The following CNOT6L variants were observed in gnomAD, a reference collection of about 807,000 sequenced individuals.
The protein encoded by CNOT6L is CCR4-NOT transcription complex subunit 6-like.
In CNOT6L, 7 loss-of-function variants were observed where a neutral mutation model predicts 64.0. That is an observed-to-expected ratio of 0.11 (90% confidence interval 0.06 to 0.21). The LOEUF is 0.21. Among genes scored for constraint, CNOT6L ranks in the 10% least tolerant of loss-of-function variants. CNOT6L has a pLI of 1.00. For missense variants in CNOT6L, 245 were observed against 669.0 expected (o/e 0.37, Z 6.99); for synonymous variants, 193 against 243.4 (o/e 0.79, Z 1.93).
chr4:77,755,111 C>T (rs1039723516), intron 5 of CNOT6L, among the ~76,000 whole-genome samples: 8 of 149,600 alleles, frequency 5.3e-5, no homozygotes, highest in African/African-American at 1.7e-4. Context: ...ATATTTGCAA[C>T]ATATTACCAA....
At chr4:77,820,175 G>T (rs1301356486), upstream of CNOT6L, among the ~76,000 whole-genome samples, 1 of 152,188 alleles carries the variant, frequency 6.6e-6, no homozygotes, top group Non-Finnish European at 1.5e-5. Flanking sequence ...CCGGGGGAGA[G>T]GCGTCCGGGC....
rs921430182 is a variant in CNOT6L, at chr4:77,715,096, G to A, written c.*5335C>T. On this transcript the variant is annotated 3_prime_UTR_variant, in exon 12 of 12. Transcript: ENST00000504123. ...CTGAGAGGGTTACCATGATTCTTAC[G>A]CTTTAGAGTTAAAAGTGACAGACAT... The A allele has an allele frequency of 2.6e-5, 4 of 152,068 alleles. No individual in the cohort carries two copies. The highest frequency in any genetic ancestry group is 6.6e-5 in the Admixed American group (1 of 15,238). The allele number at this position is 152,068 out of a possible 1,614,324, so 9.4% of individuals were successfully genotyped here.
At chr4:77,807,584 G>T (rs1732398451) in intron 1 of CNOT6L, among the ~76,000 whole-genome samples, 1 of 152,088 alleles carries the variant, frequency 6.6e-6, no homozygotes, top group South Asian at 2.1e-4. Flanking sequence ...AATCAATGAG[G>T]TCATAAAGTA....
intron 4 of CNOT6L, among the ~76,000 whole-genome samples, chr4:77,763,378 C>A (rs1478040684): frequency 6.6e-6 from 1 of 151,940 alleles, no homozygotes; most frequent in East Asian, 1.9e-4. Context: ...ATTAGAAATA[C>A]AGACTATAAG....
At chr4:77,755,223 G>GTTTTTTT (rs869054667) in intron 5 of CNOT6L, among the ~76,000 whole-genome samples, 1 of 70,434 alleles carries the variant, frequency 1.4e-5, no homozygotes, top group Non-Finnish European at 2.4e-5. Context: ...AGAGACAAGA[G>GTTTTTTT]TTTTTTTTTT....
intron 11 of CNOT6L, among the ~76,000 whole-genome samples, chr4:77,723,130 A>C (rs995801875): frequency 3.3e-5 from 5 of 152,144 alleles, no homozygotes; most frequent in African/African-American, 1.2e-4. Flanking sequence ...GCACACCCTC[A>C]GATTAGAGGA....
At chr4:77,792,618 T>G in intron 1 of CNOT6L, among the ~76,000 whole-genome samples, 1 of 150,394 alleles carries the variant, frequency 6.6e-6, no homozygotes, top group African/African-American at 2.4e-5. Flanking sequence ...TCCAGCTAAC[T>G]GAGGGGCTGA....
chr4:77,803,146 C>A (rs556807329), intron 1 of CNOT6L, among the ~76,000 whole-genome samples: 2 of 151,560 alleles, frequency 1.3e-5, no homozygotes, highest in Non-Finnish European at 2.9e-5. Context: ...AAAACAGAGA[C>A]ACCCAATAGA....
rs1435207509 is a variant in CNOT6L, at chr4:77,719,035, T to C, written c.*1396A>G. The C allele has an allele frequency of 2.0e-5, 3 of 152,486 alleles. No individual in the cohort carries two copies. The highest frequency in any genetic ancestry group is 6.6e-5 in the Admixed American group (1 of 15,254). 9.4% of individuals were successfully genotyped at this position (152,486 alleles called of 1,614,324 possible). A position where few individuals can be genotyped will look rare whatever the true frequency, so the allele number is the denominator to read the frequency against. On this transcript the variant is annotated 3_prime_UTR_variant, in exon 12 of 12. Transcript: ENST00000504123. ...AAATATAAATTTCAGAAAACTCTTA[T>C]AGCAGCAAAAAAGCAGAATAAAGAA...
chr4:77,773,287 TC>T (rs1379933712), intron 3 of CNOT6L, 121 bp from the exon 4 acceptor site: 2 of 595,868 alleles, frequency 3.4e-6, no homozygotes, highest in Admixed American at 7.3e-5. Context: ...AAGGCACATT[TC>T]TATGTGCTCA....
At chr4:77,805,975 T>C (rs1360066035) in intron 1 of CNOT6L, among the ~76,000 whole-genome samples, 1 of 152,246 alleles carries the variant, frequency 6.6e-6, no homozygotes, top group East Asian at 1.9e-4. Context: ...ATTTCCTTCC[T>C]TGACCTGCCT....
chr4:77,817,908 G>A (rs1052693595), intron 1 of CNOT6L, among the ~76,000 whole-genome samples: 5 of 152,220 alleles, frequency 3.3e-5, no homozygotes, highest in African/African-American at 1.2e-4. Flanking sequence ...ATGTAATGAG[G>A]TTGGAGTAGA....
intron 8 of CNOT6L, among the ~76,000 whole-genome samples, chr4:77,735,836 G>A (rs1722887294): frequency 6.6e-6 from 1 of 152,028 alleles, no homozygotes; most frequent in Admixed American, 6.6e-5. Flanking sequence ...CTTTCACCCA[G>A]CCTTTTCTTT....
chr4:77,754,758 T>G (rs1026027184), intron 5 of CNOT6L, among the ~76,000 whole-genome samples: 6 of 151,642 alleles, frequency 4.0e-5, no homozygotes, highest in Non-Finnish European at 8.8e-5. Flanking sequence ...ACACATACAT[T>G]GACACCTGAT....
chr4:77,737,873 C>A (rs1723152015), intron 8 of CNOT6L, among the ~76,000 whole-genome samples: 2 of 151,818 alleles, frequency 1.3e-5, no homozygotes. Flanking sequence ...TAGAAATTAC[C>A]AGAAGAGTAC....
chr4:77,774,248 A>C (rs1289652583), intron 3 of CNOT6L, among the ~76,000 whole-genome samples: 1 of 152,214 alleles, frequency 6.6e-6, no homozygotes, highest in Admixed American at 6.5e-5. Flanking sequence ...AAGTACTTCT[A>C]ATCAGTCTTA....
intron 1 of CNOT6L, among the ~76,000 whole-genome samples, chr4:77,807,982 A>G (rs1355295451): frequency 1.3e-5 from 2 of 152,186 alleles, no homozygotes; most frequent in Non-Finnish European, 2.9e-5. Flanking sequence ...TCAGTCAATA[A>G]GCTGCATCCA....
chr4:77,799,264 C>CA (rs912420786), intron 1 of CNOT6L, among the ~76,000 whole-genome samples: 1 of 152,010 alleles, frequency 6.6e-6, no homozygotes, highest in Non-Finnish European at 1.5e-5. Flanking sequence ...CCTGTTTCTA[C>CA]AAAAAACAAA....
At chr4:77,776,559 T>C (rs1403900146) in intron 1 of CNOT6L, among the ~76,000 whole-genome samples, 167 bp from the exon 2 acceptor site, 1 of 152,210 alleles carries the variant, frequency 6.6e-6, no homozygotes, top group Non-Finnish European at 1.5e-5. Context: ...TTATCTGCAG[T>C]ATGCTAGGAT....
Sources: gnomAD v4.1 joint callset for allele counts (sites outside exome capture counted in the v4.1 genomes callset) on GRCh38, gnomAD v4.1.1 for gene constraint, MANE v1.5 for transcripts, NCBI Gene and HGNC (gene_info 2026-07-23, HGNC 2026-07-21) for gene names.